TENM3: variants seen among roughly 807,000 people sequenced by gnomAD.
TENM3 encodes the protein teneurin-3.
In TENM3, 63 loss-of-function variants were observed where a neutral mutation model predicts 255.1. The observed-to-expected ratio is 0.25, with a 90% CI of 0.20 to 0.30. TENM3 has a LOEUF of 0.30. Ranked by LOEUF, TENM3 falls within the 10% of genes least tolerant of loss-of-function variation. The pLI, the probability that TENM3 is intolerant of heterozygous loss-of-function variation, is 1.00. For synonymous variants in TENM3, 1,306 were observed against 1,322.3 expected, an observed-to-expected ratio of 0.99 and a Z score of 0.27; for missense variants, 2,929 against 3,461.1, an observed-to-expected ratio of 0.85 and a Z score of 3.86.
At chr4:181,489,853 C>G in the TENM3 span, among the ~76,000 whole-genome samples, 45 of 152,240 alleles carry the variant, frequency 3.0e-4, no homozygotes, top group African/African-American at 1.1e-3. Flanking sequence ...AATTATCCAT[C>G]AGGATATATT....
At chr4:182,056,921 C>G in the TENM3 span, among the ~76,000 whole-genome samples, 4 of 151,954 alleles carry the variant, frequency 2.6e-5, no homozygotes, top group Middle Eastern at 3.4e-3. Flanking sequence ...CTTTTAACAA[C>G]AAAGTGCAGA....
intron 2 of TENM3, among the ~76,000 whole-genome samples, chr4:182,331,223 C>G (rs1763732715): frequency 6.6e-6 from 1 of 152,174 alleles, no homozygotes; most frequent in Non-Finnish European, 1.5e-5. Flanking sequence ...GTCAAATCTA[C>G]TCTATTACCT....
chr4:181,823,840 G>A, the TENM3 span, among the ~76,000 whole-genome samples: 1 of 152,108 alleles, frequency 6.6e-6, no homozygotes, highest in Non-Finnish European at 1.5e-5. Flanking sequence ...CTCGATGACA[G>A]CTTGATAGGT....
the TENM3 span, among the ~76,000 whole-genome samples, chr4:182,038,010 C>G: frequency 6.6e-6 from 1 of 152,172 alleles, no homozygotes; most frequent in South Asian, 2.1e-4. Flanking sequence ...ATTTTAACTA[C>G]TCTAATGATA....
chr4:182,426,481 A>G (rs1771237242), intron 3 of TENM3, among the ~76,000 whole-genome samples: 1 of 152,206 alleles, frequency 6.6e-6, no homozygotes, highest in Non-Finnish European at 1.5e-5. Flanking sequence ...TTGCATAAAT[A>G]TAAAGAAAAA....
intron 12 of TENM3, among the ~76,000 whole-genome samples, chr4:182,699,713 C>T (rs1757699275): frequency 6.6e-6 from 1 of 151,884 alleles, no homozygotes; most frequent in African/African-American, 2.4e-5. Flanking sequence ...GAATAAAAGC[C>T]GAGTAAGTGA....
At chr4:182,054,111 T>C in the TENM3 span, among the ~76,000 whole-genome samples, 14,103 of 152,192 alleles carry the variant, frequency 0.093, 717 homozygotes, top group East Asian at 0.15. Flanking sequence ...AACTTATCTC[T>C]TATCACTCAT....
chr4:181,732,894 A>G, the TENM3 span, among the ~76,000 whole-genome samples: 471 of 152,316 alleles, frequency 3.1e-3, 5 homozygotes, highest in African/African-American at 0.011. Context: ...TATAGACGTT[A>G]ATTTATTTCC....
chr4:181,941,330 A>G, the TENM3 span, among the ~76,000 whole-genome samples: 1 of 144,824 alleles, frequency 6.9e-6, no homozygotes, highest in Non-Finnish European at 1.5e-5. Flanking sequence ...TTTTATAGCT[A>G]TTTGGCTCTA....
At chr4:182,494,935 T>C (rs1735638132) in intron 3 of TENM3, among the ~76,000 whole-genome samples, 1 of 152,156 alleles carries the variant, frequency 6.6e-6, no homozygotes, top group Non-Finnish European at 1.5e-5. Flanking sequence ...CTATTGGAGG[T>C]CTTTAGCCTC....
At chr4:182,515,835 A>G (rs1560857689) in intron 3 of TENM3, among the ~76,000 whole-genome samples, 1 of 152,220 alleles carries the variant, frequency 6.6e-6, no homozygotes, top group East Asian at 1.9e-4. Context: ...CCCATTTAAA[A>G]GGTTTAAATA....
intron 3 of TENM3, among the ~76,000 whole-genome samples, chr4:182,546,976 T>C (rs893448620): frequency 1.3e-5 from 2 of 152,184 alleles, no homozygotes; most frequent in African/African-American, 4.8e-5. Context: ...TGTTAACTGC[T>C]GGATTAATCC....
intron 1 of TENM3, among the ~76,000 whole-genome samples, chr4:182,290,547 GGCAGGAGT>G (rs1245873797): frequency 6.6e-6 from 1 of 152,074 alleles, no homozygotes; most frequent in Non-Finnish European, 1.5e-5. Flanking sequence ...TTGTCGCCCA[GGCAGGAGT>G]GCGGTGGCAC....
the TENM3 span, among the ~76,000 whole-genome samples, chr4:181,904,345 T>C: frequency 6.6e-6 from 1 of 152,058 alleles, no homozygotes; most frequent in Non-Finnish European, 1.5e-5. Flanking sequence ...TCATGTAACT[T>C]ACAAGATTAA....
chr4:182,742,541 T>A (rs1446352320), intron 18 of TENM3, among the ~76,000 whole-genome samples: 1 of 152,246 alleles, frequency 6.6e-6, no homozygotes, highest in Non-Finnish European at 1.5e-5. Flanking sequence ...TGGAGTTTGA[T>A]GTCTATTTTC....
the TENM3 span, among the ~76,000 whole-genome samples, chr4:181,908,597 A>C: frequency 3.3e-5 from 5 of 152,354 alleles, no homozygotes; most frequent in East Asian, 9.6e-4. Context: ...TGAATTTAGA[A>C]GCATAAATAG....
At chr4:182,645,948 C>T (rs527553254) in intron 5 of TENM3, among the ~76,000 whole-genome samples, 9 of 152,238 alleles carry the variant, frequency 5.9e-5, no homozygotes, top group Admixed American at 1.3e-4. Flanking sequence ...TATCTGGGGC[C>T]ATCTCAGAGG....
intron 3 of TENM3, among the ~76,000 whole-genome samples, chr4:182,449,740 C>T (rs2151309937): frequency 6.6e-6 from 1 of 152,286 alleles, no homozygotes; most frequent in East Asian, 1.9e-4. Flanking sequence ...CTGCGAAATA[C>T]GTAGTGTGAT....
chr4:182,051,381 T>A, the TENM3 span, among the ~76,000 whole-genome samples: 1 of 146,956 alleles, frequency 6.8e-6, no homozygotes, highest in African/African-American at 2.5e-5. Context: ...TTCCTCTCTT[T>A]TTTTTTTTTT....
Sources: gnomAD v4.1 joint callset for allele counts (sites outside exome capture counted in the v4.1 genomes callset) on GRCh38, gnomAD v4.1.1 for gene constraint, MANE v1.5 for transcripts, NCBI Gene and HGNC (gene_info 2026-07-23, HGNC 2026-07-21) for gene names.